GUCY1B1: variants seen among roughly 807,000 people sequenced by gnomAD.
GUCY1B1 encodes the protein guanylate cyclase soluble subunit beta-1.
A neutral mutation model predicts 71.0 loss-of-function variants in GUCY1B1; 43 were observed. That is an observed-to-expected ratio of 0.61 (90% CI 0.47 to 0.78). The LOEUF (loss-of-function observed/expected upper bound fraction) is 0.78. GUCY1B1 is among the 30% of genes least tolerant of loss of function. The pLI is 0.00. For synonymous variants in GUCY1B1, 266 were observed against 259.7 expected, an observed-to-expected ratio of 1.02 and a Z score of -0.23; for missense variants, 535 against 754.1, an observed-to-expected ratio of 0.71 and a Z score of 3.40.
rs758279792 is a variant in GUCY1B1, at chr4:155,775,085, T to C, written c.178+17T>C. The C allele has an allele frequency of 1.5e-6, 2 of 1,352,478 alleles. No individual in the cohort carries two copies. The highest frequency in any genetic ancestry group is 2.3e-5 in the South Asian group (2 of 85,684). 83.8% of individuals were successfully genotyped at this position (1,352,478 alleles called of 1,614,324 possible). A position where few individuals can be genotyped will look rare whatever the true frequency, so the allele number is the denominator to read the frequency against. On this transcript the variant is annotated intron_variant, in intron 3 of 13. Transcript: ENST00000264424. ...AAGTCCTCAGTAAGTTGAATGCAAC[T>C]TTCCTTCTTTGGCCAAGTTACACGT...
chr4:155,792,495 A>T (rs750058531), intron 5 of GUCY1B1, among the ~76,000 whole-genome samples: 22 of 152,186 alleles, frequency 1.4e-4, no homozygotes, highest in Non-Finnish European at 2.8e-4. Flanking sequence ...ACTAATATTT[A>T]ACCAGTATAG....
At chr4:155,759,632 A>T (rs1736821182) in intron 1 of GUCY1B1, 155 bp from the exon 2 acceptor site, 2 of 554,912 alleles carry the variant, frequency 3.6e-6, no homozygotes, top group South Asian at 4.8e-5. Context: ...CCACGATCCG[A>T]CTCCTTTAGT....
chr4:155,773,462 G>T (rs1450413785), intron 2 of GUCY1B1, among the ~76,000 whole-genome samples: 1 of 152,094 alleles, frequency 6.6e-6, no homozygotes, highest in Non-Finnish European at 1.5e-5. Context: ...TGTATGTTTT[G>T]AGCTACTGTG....
intron 1 of GUCY1B1, 163 bp from the exon 2 acceptor site, chr4:155,759,624 A>C: frequency 5.4e-6 from 3 of 553,668 alleles, no homozygotes; most frequent in Non-Finnish European, 6.3e-6. Flanking sequence ...TTGCGCCCCC[A>C]CGATCCGACT....
At chr4:155,804,563 A>ATTTT (rs981534827) in intron 11 of GUCY1B1, 30 bp from the exon 12 acceptor site, 3 of 1,572,782 alleles carry the variant, frequency 1.9e-6, no homozygotes, top group Non-Finnish European at 2.6e-6. Context: ...AGTGATCAAA[A>ATTTT]TGATTGAAGC....
chr4:155,765,783 A>C (rs1737293074), intron 2 of GUCY1B1, among the ~76,000 whole-genome samples: 1 of 152,146 alleles, frequency 6.6e-6, no homozygotes, highest in Non-Finnish European at 1.5e-5. Flanking sequence ...TTAGTTTCTC[A>C]GCCATACCGA....
At chr4:155,805,687 A>T (rs1307856781) in intron 13 of GUCY1B1, among the ~76,000 whole-genome samples, 1 of 152,098 alleles carries the variant, frequency 6.6e-6, no homozygotes, top group African/African-American at 2.4e-5. Flanking sequence ...CTATGGAGTG[A>T]TTGGGGAATT....
chr4:155,776,216 TAAAA>T (rs1310925762), intron 3 of GUCY1B1, among the ~76,000 whole-genome samples: 1 of 152,146 alleles, frequency 6.6e-6, no homozygotes, highest in African/African-American at 2.4e-5. Context: ...GAAAGCCTTT[TAAAA>T]AAATATTAAA....
chr4:155,759,822 G>C lies in GUCY1B1; in HGVS notation c.39G>C (p.Val13=). Residue 13 remains valine, a synonymous_variant, in exon 2 of 14, where the codon GTG becomes GTC. Coordinates refer to ENST00000264424, the MANE Select transcript of GUCY1B1 (RefSeq NM_000857.5). ...GFVNHALELL[V]IRNYGPEVWE... ...TGAATCACGCCCTGGAGTTGCTGGT[G>C]ATCCGCAATTACGGCCCCGAGGTGT... 3.7e-6 allele frequency: 6 copies of C among 1,613,080 alleles called. No individual in the cohort carries two copies. The highest frequency in any genetic ancestry group is 5.1e-6 in the Non-Finnish European group (6 of 1,179,414).
intron 2 of GUCY1B1, among the ~76,000 whole-genome samples, chr4:155,764,680 C>G (rs1344471207): frequency 2.0e-5 from 3 of 152,210 alleles, no homozygotes; most frequent in Non-Finnish European, 4.4e-5. Flanking sequence ...GTAGAAAGAT[C>G]TGCCAGTTAG....
intron 4 of GUCY1B1, among the ~76,000 whole-genome samples, chr4:155,782,381 G>T (rs749273623): frequency 6.6e-6 from 1 of 152,148 alleles, no homozygotes; most frequent in Non-Finnish European, 1.5e-5. Flanking sequence ...GGGCCAGAGC[G>T]CCTGGCTGCT....
intron 2 of GUCY1B1, among the ~76,000 whole-genome samples, chr4:155,761,474 A>G (rs1220074686): frequency 1.3e-5 from 2 of 152,220 alleles, no homozygotes; most frequent in Non-Finnish European, 2.9e-5. Flanking sequence ...AAAGATGGCT[A>G]TTATGATTAA....
intron 9 of GUCY1B1, among the ~76,000 whole-genome samples, chr4:155,800,355 G>C (rs1433754156): frequency 1.3e-5 from 2 of 152,192 alleles, no homozygotes; most frequent in African/African-American, 4.8e-5. Flanking sequence ...TTCAAATTTA[G>C]TTCAAAAATT....
rs762448231 is a variant in GUCY1B1, at chr4:155,802,477, T to C, written c.1311T>C (p.His437=). 3 of 1,613,812 alleles carry C rather than the reference T, an allele frequency of 1.9e-6. No homozygotes were observed. Among genetic ancestry groups the C allele is most frequent in the South Asian group, 1.1e-5 (1 of 91,076 alleles). Residue 437 remains histidine (H), a synonymous_variant, in exon 10 of 14, where the codon CAT becomes CAC. Coordinates refer to ENST00000264424, the MANE Select transcript of GUCY1B1 (RefSeq NM_000857.5). This position sits in a 1 kb window ranked among gnomAD's most constrained non-coding sequence, Gnocchi z 4.3. ...GCTTCAATGCTTTCTGTAGCAAGCATGCATCTGGAGAAGGAGCCATGAAGA... is the reference window on the plus strand; with the variant it reads ...GCTTCAATGCTTTCTGTAGCAAGCACGCATCTGGAGAAGGAGCCATGAAGA... The part of the protein sequence containing the change: ...IVGFNAFCSK[H]ASGEGAMKIV...
Position 155,802,377 on chromosome 4 carries a change from A to G in GUCY1B1, c.1211A>G (p.Asn404Ser), listed in dbSNP as rs780436599. 12 of 1,613,654 alleles carry G rather than the reference A, an allele frequency of 7.4e-6. No homozygotes were observed. The highest frequency in any genetic ancestry group is 1.1e-5 in the South Asian group (1 of 91,070). ...TCTGTCCTTCCTCCGTCTGTTGCCAATGAGCTGCGGCACAAGCGTCCAGTG... is the reference window on the plus strand; with the variant it reads ...TCTGTCCTTCCTCCGTCTGTTGCCAGTGAGCTGCGGCACAAGCGTCCAGTG... ...LYSVLPPSVA[N>S]ELRHKRPVPA... Residue 404 changes from asparagine (N) to serine (S), a missense_variant, in exon 10 of 14, where the codon AAT becomes AGT. Coordinates refer to ENST00000264424, the MANE Select transcript of GUCY1B1 (RefSeq NM_000857.5). The surrounding 1 kb of genome is among the most constrained non-coding windows in gnomAD (Gnocchi z 4.3).
Position 155,775,051 on chromosome 4 carries a change from C to T in GUCY1B1, c.161C>T (p.Ala54Val). 6.3e-7 allele frequency: 1 copy of T among 1,592,578 alleles called. No homozygotes were observed. The highest frequency in any genetic ancestry group is 2.2e-5 in the East Asian group (1 of 44,768). The change falls in exon 3 of 14, where the codon GCT (alanine) becomes GTT (valine). Residue 54 changes from alanine to valine, a missense_variant. Physicochemically the swap from Ala to Val is moderately conservative, Grantham distance 64. Transcript: ENST00000264424. ...DDSKTYDLVAAASKVLNLNAG... is the reference protein window; with the variant it reads ...DDSKTYDLVAVASKVLNLNAG... The stretch of plus-strand genomic sequence containing the variant: ...TCCAAAACTTATGATTTGGTTGCTG[C>T]TGCAAGCAAAGTCCTCAGTAAGTTG...
At chr4:155,780,050 C>T (rs531707558) in intron 4 of GUCY1B1, among the ~76,000 whole-genome samples, 2 of 152,240 alleles carry the variant, frequency 1.3e-5, no homozygotes, top group African/African-American at 2.4e-5. Context: ...ATGACTCCTC[C>T]AATCTCTTCT....
intron 4 of GUCY1B1, among the ~76,000 whole-genome samples, chr4:155,788,303 G>A (rs1470233438): frequency 6.6e-6 from 1 of 152,158 alleles, no homozygotes; most frequent in Non-Finnish European, 1.5e-5. Context: ...CTGTCAGCAG[G>A]CAGCTGCCCT....
intron 2 of GUCY1B1, 70 bp downstream of exon 2, chr4:155,759,930 T>TGGTCCTCAGCCTGCTGGCCG (rs1736857012): frequency 8.7e-7 from 1 of 1,145,944 alleles, no homozygotes; most frequent in Admixed American, 1.7e-5. Context: ...GCGCCTCGCC[T>TGGTCCTCAGCCTGCTGGCCG]GGTCCTCAGC....
Sources: allele counts gnomAD v4.1 joint callset (sites outside exome capture counted in the v4.1 genomes callset), GRCh38; gene constraint gnomAD v4.1.1; non-coding constraint Gnocchi (gnomAD v3.1); transcripts MANE v1.5; gene names NCBI Gene and HGNC (gene_info 2026-07-23, HGNC 2026-07-21).